The following NSMCE2 variants were observed in gnomAD, a reference collection of about 807,000 sequenced individuals.
The protein encoded by NSMCE2 is E3 SUMO-protein ligase NSE2.
NSMCE2 carries 24 observed loss-of-function variants against 23.8 expected under a neutral mutation model. That is an observed-to-expected ratio of 1.01 (90% CI 0.73 to 1.42). The LOEUF (loss-of-function observed/expected upper bound fraction) is 1.42, where lower values mean the gene tolerates loss of function less well. NSMCE2 is among the 40% of genes most tolerant of loss of function. The pLI is 0.00. For missense variants in NSMCE2, 284 were observed against 296.5 expected (o/e 0.96, Z 0.31); for synonymous variants, 92 against 94.1 (o/e 0.98, Z 0.13).
At chr8:125,248,486 C>G (rs1385282814) in intron 5 of NSMCE2, among the ~76,000 whole-genome samples, 1 of 152,152 alleles carries the variant, frequency 6.6e-6, no homozygotes, top group Non-Finnish European at 1.5e-5. Flanking sequence ...AACCCCATCT[C>G]TACTAAAAAT....
At chr8:125,111,952 T>A (rs1488686296) in intron 3 of NSMCE2, among the ~76,000 whole-genome samples, 1 of 152,220 alleles carries the variant, frequency 6.6e-6, no homozygotes, top group African/African-American at 2.4e-5. Context: ...CTGCTTTTTG[T>A]TATTAGGAGT....
rs755336684 is a variant in NSMCE2, at chr8:125,102,300, T to C, written c.-14-17T>C. 4.4e-6 allele frequency: 7 copies of C among 1,582,372 alleles called. No individual in the cohort carries two copies. The Admixed American group carries it at 1.0e-4, about 23-fold the overall frequency. On this transcript the variant is annotated splice_polypyrimidine_tract_variant and intron_variant, in intron 2 of 7. Coordinates refer to ENST00000287437, the MANE Select transcript of NSMCE2 (RefSeq NM_173685.4). ...TTCTGACTTACGAATCTTGTTTCAT[T>C]GTGTTTGAAAACTTAGGTACTAATT...
intron 3 of NSMCE2, among the ~76,000 whole-genome samples, chr8:125,118,324 TGAGCC>T (rs1482033585): frequency 6.6e-6 from 1 of 152,008 alleles, no homozygotes; most frequent in Non-Finnish European, 1.5e-5. Flanking sequence ...GAGGTTGCAG[TGAGCC>T]GAGATTACAC....
chr8:125,347,297 G>A (rs550841887), intron 5 of NSMCE2, among the ~76,000 whole-genome samples: 44 of 152,294 alleles, frequency 2.9e-4, no homozygotes, highest in African/African-American at 9.6e-4. Flanking sequence ...CCTAAATACT[G>A]TAATCCTCAT....
intron 4 of NSMCE2, among the ~76,000 whole-genome samples, chr8:125,167,367 A>G (rs1258917600): frequency 1.3e-5 from 2 of 152,134 alleles, no homozygotes; most frequent in African/African-American, 4.8e-5. Context: ...AGTTGCATTA[A>G]AAGAATTGCA....
In NSMCE2 at chr8:125,357,324, C is replaced by A; in HGVS notation, c.519+5C>A. On this transcript the variant is annotated splice_donor_5th_base_variant and intron_variant, in intron 6 of 7. Transcript: ENST00000287437. ...TTCACCTGCCCCATTACAAAGGTAC[C>A]GCTTCCTCCTACTTCCCCTGAAAGA... 6.4e-7 allele frequency: 1 copy of A among 1,556,884 alleles called. No individual in the cohort carries two copies. Among genetic ancestry groups the A allele is most frequent in the Non-Finnish European group, 8.9e-7 (1 of 1,127,884 alleles).
rs559764219 is a variant in NSMCE2 at position 125,093,534 on chromosome 8, CAATA to C, written c.-111+1598_-111+1601del. ...CGAAACCCTCTCTCTACTAAAAATA[CAATA>C]AATAAATAAATAAATAAATAAGTAA... is the stretch of plus-strand genomic sequence containing the variant. On this transcript the variant is annotated intron_variant, in intron 1 of 7. Transcript: ENST00000287437. 2.4e-3 allele frequency among the ~76,000 whole-genome samples: 359 copies of C among 151,702 alleles called. 2 individuals carry two copies. Among genetic ancestry groups the C allele is most frequent in the Non-Finnish European group, 3.4e-3 (231 of 67,900 alleles).
At chr8:125,244,031 G>A (rs545737120) in intron 5 of NSMCE2, among the ~76,000 whole-genome samples, 1 of 149,446 alleles carries the variant, frequency 6.7e-6, no homozygotes, top group Non-Finnish European at 1.5e-5. Context: ...TATTGTAAGA[G>A]TTTTTTTTTT....
Position 125,256,949 on chromosome 8 carries a change from AAAAAAAAAAAG to A in NSMCE2, c.418+74695_418+74705del, listed in dbSNP as rs1352243087. On this transcript the variant is annotated intron_variant, in intron 5 of 7. Coordinates refer to ENST00000287437, the MANE Select transcript of NSMCE2 (RefSeq NM_173685.4). The stretch of plus-strand genomic sequence containing the variant: ...AAAAAAAAAAAAAAAAAAAAAAAAA[AAAAAAAAAAAG>A]AGGGCTGAAGGTGAAACTCTGGGAG... Among the ~76,000 whole-genome samples the A allele has an allele frequency of 8.9e-3, 1,208 of 135,714 alleles. 28 individuals carry two copies. Among genetic ancestry groups the A allele is most frequent in the South Asian group, 0.023 (83 of 3,670 alleles). 89.0% of individuals were successfully genotyped at this position (135,714 alleles called of 152,430 possible).
At chr8:125,200,645 A>G (rs1823830238) in intron 5 of NSMCE2, among the ~76,000 whole-genome samples, 1 of 151,930 alleles carries the variant, frequency 6.6e-6, no homozygotes, top group African/African-American at 2.4e-5. Context: ...TCTGACAATT[A>G]TGTGTCTTGG....
intron 4 of NSMCE2, among the ~76,000 whole-genome samples, chr8:125,163,232 A>G (rs1305446802): frequency 2.0e-5 from 3 of 152,200 alleles, no homozygotes; most frequent in African/African-American, 7.2e-5. Context: ...AAGTAAATAA[A>G]CAATTCAAAA....
intron 4 of NSMCE2, among the ~76,000 whole-genome samples, chr8:125,153,573 G>C (rs1563683686): frequency 6.6e-6 from 1 of 152,040 alleles, no homozygotes; most frequent in Non-Finnish European, 1.5e-5. Context: ...GGAGGGGCCG[G>C]GATAATATAC....
chr8:125,330,274 C>T (rs996860280), intron 5 of NSMCE2, among the ~76,000 whole-genome samples: 8 of 146,448 alleles, frequency 5.5e-5, no homozygotes, highest in African/African-American at 1.3e-4. Context: ...TCTCCCGGTT[C>T]GAGCGATTCT....
At chr8:125,175,389 A>C (rs1170909918) in intron 4 of NSMCE2, among the ~76,000 whole-genome samples, 1 of 152,222 alleles carries the variant, frequency 6.6e-6, no homozygotes, top group Non-Finnish European at 1.5e-5. Flanking sequence ...AAAACTTGGA[A>C]TAAAAAGTTG....
chr8:125,134,343 G>A, intron 3 of NSMCE2, among the ~76,000 whole-genome samples: 1 of 152,170 alleles, frequency 6.6e-6, no homozygotes, highest in South Asian at 2.1e-4. Flanking sequence ...AGAAGTGGAA[G>A]TATTATGGCA....
Position 125,246,187 on chromosome 8 carries a change from C to CT in NSMCE2, c.418+63941dup, listed in dbSNP as rs796603495. ...AATGAATCTTTTCTTTTTTCTTTTTCTTTTTTTTTTGAGACAGAGTCTCAC... is the reference window on the plus strand; with the variant it reads ...AATGAATCTTTTCTTTTTTCTTTTTCTTTTTTTTTTTGAGACAGAGTCTCAC... On this transcript the variant is annotated intron_variant, in intron 5 of 7. Transcript: ENST00000287437. Among the ~76,000 whole-genome samples the CT allele has an allele frequency of 2.0e-3, 296 of 147,668 alleles. 1 individual carries two copies. Among genetic ancestry groups the CT allele is most frequent in the African/African-American group, 6.9e-3 (277 of 40,422 alleles).
At chr8:125,338,234 GC>G (rs1830125279) in intron 5 of NSMCE2, among the ~76,000 whole-genome samples, 1 of 150,836 alleles carries the variant, frequency 6.6e-6, no homozygotes, top group Admixed American at 6.6e-5. Context: ...CTTCTAAATG[GC>G]AAACAGTTGT....
Position 125,307,902 on chromosome 8 carries a change from G to A in NSMCE2, c.419-49317G>A, listed in dbSNP as rs116380486. On this transcript the variant is annotated intron_variant, in intron 5 of 7. Transcript: ENST00000287437. ...CGGCTTGACCCACATAGTTGTATAC[G>A]CATATGTCAGTTTGTTGCAACATAC... Among the ~76,000 whole-genome samples the A allele has an allele frequency of 4.4e-3, 673 of 152,296 alleles. 7 individuals carry two copies. The highest frequency in any genetic ancestry group is 0.016 in the African/African-American group (647 of 41,560).
At chr8:125,263,458 GAAGT>G (rs1826784867) in intron 5 of NSMCE2, among the ~76,000 whole-genome samples, 2 of 152,086 alleles carry the variant, frequency 1.3e-5, no homozygotes, top group South Asian at 4.1e-4. Context: ...GCTCTAGAAA[GAAGT>G]AAGAGGGCTG....
Sources: gnomAD v4.1 joint callset for allele counts (sites outside exome capture counted in the v4.1 genomes callset) on GRCh38, gnomAD v4.1.1 for gene constraint, MANE v1.5 for transcripts, NCBI Gene and HGNC (gene_info 2026-07-23, HGNC 2026-07-21) for gene names.